Variants in BACE1 observed in about 807,000 individuals in gnomAD.
The protein encoded by BACE1 is beta-secretase 1, also known as APP beta-secretase.
In BACE1, 21 loss-of-function variants were observed where a neutral mutation model predicts 54.0. The ratio of observed to expected loss-of-function variants is 0.39; its 90% confidence interval spans 0.28 to 0.56. The LOEUF (loss-of-function observed/expected upper bound fraction) is 0.56. Among genes scored for constraint, BACE1 ranks in the 20% least tolerant of loss-of-function variants. The probability of loss-of-function intolerance (pLI) is 0.63; values close to 1 mark genes in which losing one functional copy is unlikely to be tolerated. For synonymous variants in BACE1, 232 were observed against 260.9 expected, an observed-to-expected ratio of 0.89 and a Z score of 1.07; for missense variants, 511 against 661.2, an observed-to-expected ratio of 0.77 and a Z score of 2.49.
At chr11:117,301,990 C>G (rs2134474626) in intron 1 of BACE1, among the ~76,000 whole-genome samples, 1 of 152,350 alleles carries the variant, frequency 6.6e-6, no homozygotes, top group Non-Finnish European at 1.5e-5. Context: ...TTTCAAAGTG[C>G]AAATTTGACT....
rs2035100895 is a variant in BACE1, at chr11:117,315,802, C to T, written c.-7G>A. ...AGGGCAGGGCTTGGGCCATGGTGGG[C>T]CCCGGCCTTCGGGCCCTCTGGGCTC... is the stretch of plus-strand genomic sequence containing the variant. On this transcript the variant is annotated 5_prime_UTR_variant, in exon 1 of 9. Transcript: ENST00000313005. The surrounding 1 kb of genome is among the most constrained non-coding windows in gnomAD (Gnocchi z 5.5). 2.1e-6 allele frequency: 3 copies of T among 1,401,060 alleles called. No homozygotes were observed. The highest frequency in any genetic ancestry group is 1.8e-6 in the Non-Finnish European group (2 of 1,086,522). The allele number at this position is 1,401,060 out of a possible 1,614,324, so 86.8% of individuals were successfully genotyped here.
intron 7 of BACE1, 112 bp from the exon 8 acceptor site, chr11:117,290,771 T>G: frequency 6.4e-7 from 1 of 1,552,362 alleles, no homozygotes; most frequent in Non-Finnish European, 8.7e-7. Flanking sequence ...TAACGGGTTT[T>G]CTGAGACCCC....
intron 5 of BACE1, 56 bp from the exon 6 acceptor site, chr11:117,291,869 G>A (rs1180510982): frequency 1.3e-5 from 17 of 1,340,528 alleles, no homozygotes; most frequent in Non-Finnish European, 1.8e-5. Context: ...GCTGGGCTCT[G>A]GGCAGTAGGG....
At chr11:117,291,080 G>GA in intron 6 of BACE1, 31 bp from the exon 7 acceptor site, 1 of 1,608,892 alleles carries the variant, frequency 6.2e-7, no homozygotes, top group Non-Finnish European at 8.5e-7. Flanking sequence ...TAACAATGAG[G>GA]AAAAGCCTCT....
intron 7 of BACE1, 36 bp downstream of exon 7, chr11:117,290,864 T>G (rs932109755): frequency 1.2e-6 from 2 of 1,606,688 alleles, no homozygotes; most frequent in Admixed American, 3.3e-5. Context: ...GTGTGTACTT[T>G]TAAGAGAGAT....
rs1203194862 is a variant in BACE1 at position 117,286,690 on chromosome 11, TTCTCTTGCCTCAC to T, written c.*2863_*2875del. The T allele has an allele frequency of 6.5e-6, 1 of 152,716 alleles. No homozygotes were observed. The highest frequency in any genetic ancestry group is 2.4e-5 in the African/African-American group (1 of 41,454). 9.5% of individuals were successfully genotyped at this position (152,716 alleles called of 1,614,324 possible). A position where few individuals can be genotyped will look rare whatever the true frequency, so the allele number is the denominator to read the frequency against. On this transcript the variant is annotated 3_prime_UTR_variant, in exon 9 of 9. Coordinates refer to ENST00000313005, the MANE Select transcript of BACE1 (RefSeq NM_012104.6). Reference sequence around the variant, plus strand: ...ACCTCACAGATGGATTCTTCCTCATTTCTCTTGCCTCACTTGCCCAGGTTTATTGACTAGCGTC... The same window carrying T: ...ACCTCACAGATGGATTCTTCCTCATTTTGCCCAGGTTTATTGACTAGCGTC...
At chr11:117,295,715 A>G (rs772398467) in intron 2 of BACE1, 30 of 1,470,450 alleles carry the variant, frequency 2.0e-5, no homozygotes, top group Non-Finnish European at 2.6e-5. Context: ...CCCCGAGAAA[A>G]GGAACCATTG....
At chr11:117,302,610 C>T (rs950145770) in intron 1 of BACE1, among the ~76,000 whole-genome samples, 2 of 152,200 alleles carry the variant, frequency 1.3e-5, no homozygotes, top group African/African-American at 2.4e-5. Context: ...AGGCCAGGCG[C>T]GGTGGCTCAC....
intron 1 of BACE1, among the ~76,000 whole-genome samples, chr11:117,301,672 T>C (rs554294842): frequency 1.3e-5 from 2 of 152,060 alleles, no homozygotes; most frequent in African/African-American, 4.8e-5. Context: ...TTCCATCTGG[T>C]GGCTGCCTTC....
Position 117,286,362 on chromosome 11 carries a change from G to A in BACE1, c.*3204C>T, listed in dbSNP as rs1029725414. 13 of 152,156 alleles carry A rather than the reference G, an allele frequency of 8.5e-5. No individual in the cohort carries two copies. The highest frequency in any genetic ancestry group is 3.1e-4 in the African/African-American group (13 of 41,430). The allele number at this position is 152,156 out of a possible 1,614,324, so 9.4% of individuals were successfully genotyped here. ...ACCTGGGAAAGCTGTGACTCTATTA[G>A]AGCTTTGAATCTTTTCCTATCCTTT... is the stretch of plus-strand genomic sequence containing the variant. On this transcript the variant is annotated 3_prime_UTR_variant, in exon 9 of 9. Coordinates refer to ENST00000313005, the MANE Select transcript of BACE1 (RefSeq NM_012104.6).
In BACE1 at chr11:117,293,140, T is replaced by C; in HGVS notation, c.754A>G (p.Thr252Ala). 6.2e-7 allele frequency: 1 copy of C among 1,614,116 alleles called. No homozygotes were observed. The highest frequency in any genetic ancestry group is 8.5e-7 in the Non-Finnish European group (1 of 1,179,992). ...HSLYTGSLWY[T>A]PIRREWYYEV... Reference sequence around the variant, plus strand: ...TAATACCACTCCCGCCGGATGGGTGTATACCAGAGACTGCCTGTGTACAGC... The same window carrying C: ...TAATACCACTCCCGCCGGATGGGTGCATACCAGAGACTGCCTGTGTACAGC... Residue 252 changes from threonine (T) to alanine (A), a missense_variant, in exon 5 of 9, where the codon ACA (threonine) becomes GCA (alanine). By Grantham distance (58) the Thr-to-Ala change is moderately conservative. This residue lies in a region of BACE1 where 407 missense variants were observed against 565.7 expected (regional missense o/e 0.72). Coordinates refer to ENST00000313005, the MANE Select transcript of BACE1 (RefSeq NM_012104.6). This position sits in a 1 kb window ranked among gnomAD's most constrained non-coding sequence, Gnocchi z 4.1.
At chr11:117,312,735 T>G (rs748737397) in intron 1 of BACE1, among the ~76,000 whole-genome samples, 4 of 152,192 alleles carry the variant, frequency 2.6e-5, no homozygotes, top group Non-Finnish European at 5.9e-5. Context: ...AGTGTTGGGA[T>G]TACAGGCGTG....
intron 3 of BACE1, chr11:117,294,218 T>TA: frequency 2.6e-6 from 1 of 379,230 alleles, no homozygotes; most frequent in Non-Finnish European, 4.6e-6. Flanking sequence ...GATTCATAGA[T>TA]CTTTTTTTTT....
intron 1 of BACE1, among the ~76,000 whole-genome samples, chr11:117,312,630 T>C (rs2134498933): frequency 1.3e-5 from 2 of 152,174 alleles, no homozygotes; most frequent in South Asian, 4.1e-4. Context: ...GCCCAGATAA[T>C]TTTTGCATTT....
intron 1 of BACE1, among the ~76,000 whole-genome samples, chr11:117,308,999 C>T (rs2034891471): frequency 6.6e-6 from 1 of 152,076 alleles, no homozygotes; most frequent in Non-Finnish European, 1.5e-5. Context: ...CAAAAGCTTT[C>T]CCCTGTTGCT....
chr11:117,302,557 T>C (rs535162525), intron 1 of BACE1, among the ~76,000 whole-genome samples: 1 of 152,088 alleles, frequency 6.6e-6, no homozygotes, highest in Non-Finnish European at 1.5e-5. Context: ...GGGACTTCCT[T>C]AGGGAGAGAG....
intron 1 of BACE1, among the ~76,000 whole-genome samples, chr11:117,300,439 C>T (rs759289670): frequency 5.3e-5 from 8 of 151,906 alleles, no homozygotes; most frequent in Non-Finnish European, 1.0e-4. Context: ...TTTCCCCACC[C>T]CTGCTCCATT....
In BACE1 at chr11:117,290,631, G is replaced by A. The variant is rs1278837455; in HGVS notation, c.1121C>T (p.Ala374Val). ...CTTGTAACAGTCGTCTTGGGACGTG[G>A]CCACATCTTCCACTGGCCGCAGGTA... ...QQYLRPVEDV[A>V]TSQDDCYKFA... The change falls in exon 8 of 9, where the codon GCC becomes GTC. Residue 374 changes from alanine (A) to valine (V), a missense_variant. Ala to Val is a moderately conservative substitution (Grantham distance 64, BLOSUM62 0). Transcript: ENST00000313005. The A allele has an allele frequency of 6.2e-7, 1 of 1,614,212 alleles. No individual in the cohort carries two copies. The highest frequency in any genetic ancestry group is 1.1e-5 in the South Asian group (1 of 91,082).
chr11:117,303,498 G>A (rs990293291), intron 1 of BACE1, among the ~76,000 whole-genome samples: 4 of 152,206 alleles, frequency 2.6e-5, no homozygotes, highest in Admixed American at 1.3e-4. Context: ...GCAAGCTTAG[G>A]GTAAGCTCTT....
Sources: allele counts gnomAD v4.1 joint callset (sites outside exome capture counted in the v4.1 genomes callset), GRCh38; gene constraint gnomAD v4.1.1; regional missense constraint gnomAD v4.1.1; non-coding constraint Gnocchi (gnomAD v3.1); transcripts MANE v1.5; gene names NCBI Gene and HGNC (gene_info 2026-07-23, HGNC 2026-07-21).